Variants in RSU1 observed in about 807,000 individuals in gnomAD.
RSU1 encodes rsu-1.
A neutral mutation model predicts 31.1 loss-of-function variants in RSU1; 26 were observed. The observed-to-expected ratio is 0.84, with a 90% confidence interval of 0.61 to 1.16. RSU1 has a LOEUF of 1.16. Ranked by LOEUF, RSU1 falls within the 50% of genes most tolerant of loss-of-function variation. The pLI is 0.00. For synonymous variants in RSU1, 164 were observed against 136.3 expected, an observed-to-expected ratio of 1.20 and a Z score of -1.41; for missense variants, 320 against 339.1, an observed-to-expected ratio of 0.94 and a Z score of 0.44.
At chr10:16,797,515 C>T (rs1838061603) in intron 2 of RSU1, among the ~76,000 whole-genome samples, 1 of 152,048 alleles carries the variant, frequency 6.6e-6, no homozygotes, top group South Asian at 2.1e-4. Flanking sequence ...GGGAGCAAAT[C>T]CCATAACGTT....
chr10:16,737,152 T>C (rs1454549455), intron 7 of RSU1, among the ~76,000 whole-genome samples: 1 of 150,380 alleles, frequency 6.6e-6, no homozygotes, highest in African/African-American at 2.4e-5. Flanking sequence ...GAGAGAGAGA[T>C]GGGAAATCAA....
chr10:16,664,952 C>CT (rs1044461796), intron 8 of RSU1, among the ~76,000 whole-genome samples: 1 of 151,068 alleles, frequency 6.6e-6, no homozygotes, highest in African/African-American at 2.5e-5. Flanking sequence ...TTTCTTTCTT[C>CT]TTTTTTTCTG....
At chr10:16,766,607 C>T (rs770099894) in intron 3 of RSU1, among the ~76,000 whole-genome samples, 99 of 151,990 alleles carry the variant, frequency 6.5e-4, no homozygotes, top group Non-Finnish European at 6.6e-4. Context: ...CCCAGCTACT[C>T]GGGAAGCTGA....
intron 8 of RSU1, among the ~76,000 whole-genome samples, chr10:16,618,057 G>A (rs1834008718): frequency 6.6e-6 from 1 of 152,154 alleles, no homozygotes; most frequent in Non-Finnish European, 1.5e-5. Context: ...ACCTTCAAAT[G>A]GGAGAAAATT....
At chr10:16,732,387 A>G (rs1296732289) in intron 7 of RSU1, among the ~76,000 whole-genome samples, 1 of 152,194 alleles carries the variant, frequency 6.6e-6, no homozygotes, top group Non-Finnish European at 1.5e-5. Context: ...GAAGAGAATT[A>G]GGTCATGAGA....
intron 3 of RSU1, among the ~76,000 whole-genome samples, chr10:16,774,002 G>T (rs56126160): frequency 0.027 from 4,142 of 151,914 alleles, 199 homozygotes; most frequent in African/African-American, 0.095. Flanking sequence ...CAAGGTCAAT[G>T]AGTTTGTTAC....
intron 8 of RSU1, among the ~76,000 whole-genome samples, chr10:16,648,536 G>T (rs1834620524): frequency 6.6e-6 from 1 of 152,168 alleles, no homozygotes; most frequent in African/African-American, 2.4e-5. Context: ...AGTTAGCCAA[G>T]TCTATGGCTT....
chr10:16,681,940 C>T (rs962277180), intron 8 of RSU1, among the ~76,000 whole-genome samples: 3 of 152,014 alleles, frequency 2.0e-5, no homozygotes, highest in Non-Finnish European at 4.4e-5. Flanking sequence ...TAGTGTTTCA[C>T]GGAAGAGTCA....
At chr10:16,752,713 C>G in intron 6 of RSU1, 60 bp from the exon 7 acceptor site, 1 of 1,269,798 alleles carries the variant, frequency 7.9e-7, no homozygotes, top group Non-Finnish European at 1.1e-6. Flanking sequence ...TCCACAGAAA[C>G]TCTCATCCTC....
At chr10:16,815,818 G>T (rs766967219) in intron 2 of RSU1, among the ~76,000 whole-genome samples, 2 of 152,210 alleles carry the variant, frequency 1.3e-5, no homozygotes, top group African/African-American at 2.4e-5. Context: ...TGTCTAAGCT[G>T]ACTCTTAGAA....
intron 7 of RSU1, among the ~76,000 whole-genome samples, chr10:16,742,729 C>T (rs1005198090): frequency 7.2e-5 from 11 of 152,130 alleles, no homozygotes; most frequent in Admixed American, 3.3e-4. Flanking sequence ...CAAGCTTTTC[C>T]AGCTGGTGTT....
intron 7 of RSU1, among the ~76,000 whole-genome samples, chr10:16,742,340 T>C (rs1312547721): frequency 6.6e-6 from 1 of 152,174 alleles, no homozygotes; most frequent in Non-Finnish European, 1.5e-5. Context: ...CGGTAAGGCC[T>C]AGATTTCAGG....
At chr10:16,753,887 A>G (rs1021851456) in intron 5 of RSU1, among the ~76,000 whole-genome samples, 1 of 152,110 alleles carries the variant, frequency 6.6e-6, no homozygotes, top group African/African-American at 2.4e-5. Context: ...CCTCCCAAGT[A>G]GCTAAGATCA....
chr10:16,692,733 TTTTA>T (rs1041434680), intron 8 of RSU1, among the ~76,000 whole-genome samples: 2 of 152,174 alleles, frequency 1.3e-5, no homozygotes, highest in African/African-American at 2.4e-5. Context: ...ATTCGTATTT[TTTTA>T]AAAAAAATTG....
chr10:16,743,447 T>C (rs1055111325), intron 7 of RSU1, among the ~76,000 whole-genome samples: 3 of 152,226 alleles, frequency 2.0e-5, no homozygotes, highest in East Asian at 3.8e-4. Context: ...TGAGATTAAG[T>C]GCATGAAACT....
At chr10:16,629,082 GTCTA>G (rs1834205306) in intron 8 of RSU1, among the ~76,000 whole-genome samples, 1 of 152,116 alleles carries the variant, frequency 6.6e-6, no homozygotes, top group African/African-American at 2.4e-5. Flanking sequence ...GTGTTCCTGT[GTCTA>G]TCAGCTTGGA....
intron 7 of RSU1, among the ~76,000 whole-genome samples, chr10:16,701,850 A>G (rs184690285): frequency 2.6e-5 from 4 of 152,312 alleles, no homozygotes; most frequent in African/African-American, 9.6e-5. Context: ...GTTGCTTATA[A>G]ATATAATTAA....
intron 7 of RSU1, among the ~76,000 whole-genome samples, chr10:16,719,943 T>A (rs1388421198): frequency 6.6e-6 from 1 of 152,234 alleles, no homozygotes; most frequent in East Asian, 1.9e-4. Context: ...GTATATAATC[T>A]CAGCCCTCAA....
chr10:16,608,335 C>T lies in RSU1; in HGVS notation c.732-14839G>A, dbSNP rs1179901047. The stretch of plus-strand genomic sequence containing the variant: ...TTAGCCTGGGAAACATAGCAATACC[C>T]CATGTCTGTTTAAAAACAAAAACAA... On this transcript the variant is annotated intron_variant, in intron 8 of 8. Transcript: ENST00000345264. Among the ~76,000 whole-genome samples, 4 of 152,074 alleles carry T rather than the reference C, an allele frequency of 2.6e-5. No homozygotes were observed. The East Asian group carries it at 5.8e-4, about 22-fold the overall frequency.
Sources: gnomAD v4.1 joint callset for allele counts (sites outside exome capture counted in the v4.1 genomes callset) on GRCh38, gnomAD v4.1.1 for gene constraint, MANE v1.5 for transcripts, NCBI Gene and HGNC (gene_info 2026-07-23, HGNC 2026-07-21) for gene names.